PCDHGA1: variants seen among roughly 807,000 people sequenced by gnomAD.
PCDHGA1 encodes protocadherin gamma subfamily A, 1, also known as protocadherin gamma-A1.
In PCDHGA1, 32 loss-of-function variants were observed where a neutral mutation model predicts 58.0. The ratio of observed to expected loss-of-function variants is 0.55; its 90% CI spans 0.42 to 0.74. PCDHGA1 has a LOEUF of 0.74. Among genes scored for constraint, PCDHGA1 ranks in the 30% least tolerant of loss-of-function variants. PCDHGA1 has a pLI of 0.00. For synonymous variants in PCDHGA1, 498 were observed against 501.1 expected, an observed-to-expected ratio of 0.99 and a Z score of 0.08; for missense variants, 1,205 against 1,182.3, an observed-to-expected ratio of 1.02 and a Z score of -0.28.
rs779792543 is a variant in PCDHGA1 at position 141,486,994 on chromosome 5, C to T, written c.2422-7813C>T. ...ATTCAGGTTACAATGCTTGGGTTTCCTATCAGCTCCTGGAGGCCCCAGATC... is the reference window on the plus strand; with the variant it reads ...ATTCAGGTTACAATGCTTGGGTTTCTTATCAGCTCCTGGAGGCCCCAGATC... On this transcript the variant is annotated intron_variant, in intron 1 of 3. Coordinates refer to ENST00000517417, the MANE Select transcript of PCDHGA1 (RefSeq NM_018912.3). This position sits in a 1 kb window ranked among gnomAD's most constrained non-coding sequence, Gnocchi z 5.0. The T allele has an allele frequency of 6.2e-7, 1 of 1,614,214 alleles. No individual in the cohort carries two copies. The highest frequency in any genetic ancestry group is 8.5e-7 in the Non-Finnish European group (1 of 1,180,034).
At chr5:141,352,739 C>A (rs765878578) in intron 1 of PCDHGA1, 129 of 1,476,434 alleles carry the variant, frequency 8.7e-5, no homozygotes, top group Non-Finnish European at 1.1e-4. Context: ...CCTGTAATCC[C>A]AGCACTTAAC....
At chr5:141,509,069 G>T (rs1463164307) in intron 3 of PCDHGA1, among the ~76,000 whole-genome samples, 1 of 152,174 alleles carries the variant, frequency 6.6e-6, no homozygotes, top group Non-Finnish European at 1.5e-5. Flanking sequence ...CTCAGCTCCG[G>T]GGATTTGCGA....
intron 1 of PCDHGA1, chr5:141,415,176 C>T: frequency 6.2e-7 from 1 of 1,613,934 alleles, no homozygotes; most frequent in Non-Finnish European, 8.5e-7. Context: ...TCACCGTGGC[C>T]GTGGCCGACA....
In PCDHGA1 at chr5:141,375,793, C is replaced by A. The variant is rs761231690; in HGVS notation, c.2421+42688C>A. 31 of 1,614,110 alleles carry A rather than the reference C, an allele frequency of 1.9e-5. No homozygotes were observed. The highest frequency in any genetic ancestry group is 2.5e-5 in the Non-Finnish European group (29 of 1,180,038). ...TCCTGTACCCCGCCCTCCCCACAGACGGTTCCACTGGCGTGGAGCTGGCGC... is the reference window on the plus strand; with the variant it reads ...TCCTGTACCCCGCCCTCCCCACAGAAGGTTCCACTGGCGTGGAGCTGGCGC... On this transcript the variant is annotated intron_variant, in intron 1 of 3. Coordinates refer to ENST00000517417, the MANE Select transcript of PCDHGA1 (RefSeq NM_018912.3).
At chr5:141,483,501 G>C (rs1022338958) in intron 1 of PCDHGA1, among the ~76,000 whole-genome samples, 2 of 150,394 alleles carry the variant, frequency 1.3e-5, no homozygotes, top group African/African-American at 4.9e-5. Context: ...ATGAGTCAAG[G>C]CTGATCCCCC....
At chr5:141,365,089 G>A in intron 1 of PCDHGA1, 2 of 1,613,840 alleles carry the variant, frequency 1.2e-6, no homozygotes, top group South Asian at 2.2e-5. Flanking sequence ...GTGTTCCAGA[G>A]AACATACCTG....
intron 1 of PCDHGA1, among the ~76,000 whole-genome samples, chr5:141,335,763 C>T (rs962088668): frequency 6.6e-6 from 1 of 152,174 alleles, no homozygotes; most frequent in African/African-American, 2.4e-5. Context: ...CAATAATATA[C>T]TTGCCTTACA....
intron 1 of PCDHGA1, chr5:141,399,774 C>A (rs758550367): frequency 1.2e-6 from 2 of 1,613,116 alleles, no homozygotes; most frequent in South Asian, 2.2e-5. Flanking sequence ...TGTTGGTGGG[C>A]GACCGAAACG....
intron 1 of PCDHGA1, chr5:141,344,798 G>T: frequency 6.2e-7 from 1 of 1,613,974 alleles, no homozygotes; most frequent in Non-Finnish European, 8.5e-7. Flanking sequence ...GGGAGAACGT[G>T]CCTGTGGGTA....
intron 1 of PCDHGA1, among the ~76,000 whole-genome samples, chr5:141,473,090 T>C (rs1426311051): frequency 3.9e-5 from 6 of 152,064 alleles, no homozygotes; most frequent in African/African-American, 1.4e-4. Context: ...TTATCCACTG[T>C]GAGTTGTATT....
chr5:141,475,343 G>C (rs1425482944), intron 1 of PCDHGA1, among the ~76,000 whole-genome samples: 3 of 152,178 alleles, frequency 2.0e-5, no homozygotes, highest in Non-Finnish European at 2.9e-5. Context: ...ATGACATCCA[G>C]TTTTAAAAGA....
intron 1 of PCDHGA1, chr5:141,351,135 C>T (rs1376583429): frequency 1.2e-6 from 2 of 1,613,920 alleles, no homozygotes; most frequent in Admixed American, 1.7e-5. Flanking sequence ...AATCTCAATC[C>T]AAATACTGGC....
At chr5:141,336,478 G>A (rs1420570235) in intron 1 of PCDHGA1, among the ~76,000 whole-genome samples, 2 of 152,150 alleles carry the variant, frequency 1.3e-5, no homozygotes, top group African/African-American at 4.8e-5. Flanking sequence ...TTTTTCTTCA[G>A]TCTTGTAAGA....
Position 141,431,690 on chromosome 5 carries a change from G to A in PCDHGA1, c.2422-63117G>A. 1.2e-6 allele frequency: 2 copies of A among 1,614,234 alleles called. No individual in the cohort carries two copies. Among genetic ancestry groups the A allele is most frequent in the Non-Finnish European group, 8.5e-7 (1 of 1,180,040 alleles). On this transcript the variant is annotated intron_variant, in intron 1 of 3. Coordinates refer to ENST00000517417, the MANE Select transcript of PCDHGA1 (RefSeq NM_018912.3). The surrounding 1 kb of genome is among the most constrained non-coding windows in gnomAD (Gnocchi z 4.8). ...AACAATAGGGGAGTTGGACCACGAG[G>A]AGTCAGGATTCTACCAGATGGAAGT... is the stretch of plus-strand genomic sequence containing the variant.
At chr5:141,337,111 A>AAAAGC (rs1756659054) in intron 1 of PCDHGA1, among the ~76,000 whole-genome samples, 1 of 8,690 alleles carries the variant, frequency 1.2e-4, no homozygotes, top group Non-Finnish European at 5.4e-4. Flanking sequence ...TTGCTGTCAT[A>AAAAGC]AAAGAAAAGA....
intron 1 of PCDHGA1, chr5:141,419,557 G>T: frequency 2.5e-6 from 4 of 1,611,872 alleles, no homozygotes; most frequent in Middle Eastern, 1.7e-4. Context: ...TGTACCCTGC[G>T]CTGGGTCCCG....
At chr5:141,370,602 G>A in intron 1 of PCDHGA1, 1 of 1,613,954 alleles carries the variant, frequency 6.2e-7, no homozygotes, top group Non-Finnish European at 8.5e-7. Flanking sequence ...GCGGGTTATT[G>A]CAGAGAAGAA....
rs575250872 is a variant in PCDHGA1, at chr5:141,490,163, T to C, written c.2422-4644T>C. ...GGGGCAATCCATGTGTTGGGTCCCA[T>C]AGACTTTGAGGAGTCACGTTTCTAT... On this transcript the variant is annotated intron_variant, in intron 1 of 3. Transcript: ENST00000517417. This position sits in a 1 kb window ranked among gnomAD's most constrained non-coding sequence, Gnocchi z 5.4. 2 of 1,614,234 alleles carry C rather than the reference T, an allele frequency of 1.2e-6. No homozygotes were observed. The highest frequency in any genetic ancestry group is 2.2e-5 in the East Asian group (1 of 44,886).
At chr5:141,350,723 C>T in intron 1 of PCDHGA1, 1 of 1,613,944 alleles carries the variant, frequency 6.2e-7, no homozygotes, top group Non-Finnish European at 8.5e-7. Flanking sequence ...GGATTCTGCT[C>T]AAGATGCAGA....
Sources: gnomAD v4.1 joint callset for allele counts (sites outside exome capture counted in the v4.1 genomes callset) on GRCh38, gnomAD v4.1.1 for gene constraint, Gnocchi (gnomAD v3.1) non-coding constraint, MANE v1.5 for transcripts, NCBI Gene and HGNC (gene_info 2026-07-23, HGNC 2026-07-21) for gene names.